The following CNTNAP4 variants were observed in gnomAD, a reference collection of about 807,000 sequenced individuals.
The protein encoded by CNTNAP4 is contactin-associated protein-like 4.
Under a neutral mutation model 148.4 loss-of-function variants are expected in CNTNAP4, and 98 were observed. The observed-to-expected ratio is 0.66, with a 90% CI of 0.56 to 0.78. The LOEUF (loss-of-function observed/expected upper bound fraction) is 0.78, where lower values mean the gene tolerates loss of function less well. CNTNAP4 is among the 30% of genes least tolerant of loss of function. CNTNAP4 has a pLI of 0.00. For missense variants in CNTNAP4, 1,935 were observed against 1,565.6 expected (o/e 1.24, Z -3.98); for synonymous variants, 730 against 565.1 (o/e 1.29, Z -4.14).
intron 3 of CNTNAP4, among the ~76,000 whole-genome samples, chr16:76,366,040 ATTG>A (rs2014082885): frequency 6.6e-6 from 1 of 151,746 alleles, no homozygotes; most frequent in Non-Finnish European, 1.5e-5. Context: ...CTTTTTTGTT[ATTG>A]TTGTCTTTTA....
At chr16:76,398,414 C>G (rs577596410) in intron 3 of CNTNAP4, among the ~76,000 whole-genome samples, 1 of 152,082 alleles carries the variant, frequency 6.6e-6, no homozygotes, top group Non-Finnish European at 1.5e-5. Context: ...TTAAGTGTTG[C>G]GTGATACTGC....
intron 21 of CNTNAP4, among the ~76,000 whole-genome samples, chr16:76,547,606 A>G (rs1195792305): frequency 6.6e-6 from 1 of 152,214 alleles, no homozygotes; most frequent in Non-Finnish European, 1.5e-5. Context: ...TCCAAAACTC[A>G]TTGTAAATTT....
chr16:76,366,288 T>A (rs2014118934), intron 3 of CNTNAP4, among the ~76,000 whole-genome samples: 1 of 152,112 alleles, frequency 6.6e-6, no homozygotes, highest in African/African-American at 2.4e-5. Flanking sequence ...CTTCCCACCC[T>A]CCATTCTCAA....
intron 2 of CNTNAP4, among the ~76,000 whole-genome samples, chr16:76,317,262 A>ACC (rs1961868301): frequency 7.5e-6 from 1 of 133,114 alleles, no homozygotes; most frequent in African/African-American, 2.9e-5. Context: ...CAAAAAAAAA[A>ACC]AACAAAAAAA....
intron 7 of CNTNAP4, among the ~76,000 whole-genome samples, chr16:76,451,876 A>G (rs72797071): frequency 0.043 from 6,524 of 152,184 alleles, 308 homozygotes; most frequent in African/African-American, 0.12. Flanking sequence ...TAGCTACAAG[A>G]TAAGTTTTGT....
At chr16:76,545,914 A>G (rs892795970) in intron 21 of CNTNAP4, among the ~76,000 whole-genome samples, 16 of 152,086 alleles carry the variant, frequency 1.1e-4, no homozygotes, top group African/African-American at 3.6e-4. Flanking sequence ...ATGCGCCCGT[A>G]GTCTCAGCTA....
chr16:76,525,657 T>C (rs2083694472), intron 17 of CNTNAP4, among the ~76,000 whole-genome samples: 1 of 146,144 alleles, frequency 6.8e-6, no homozygotes, highest in Non-Finnish European at 1.5e-5. Context: ...TATAAAATTA[T>C]ATATAGTTAT....
rs146533869 is a variant in CNTNAP4, at chr16:76,328,412, G to C, written c.196+11889G>C. Among the ~76,000 whole-genome samples, 1,127 of 152,218 alleles carry C rather than the reference G, an allele frequency of 7.4e-3. 10 individuals carry two copies. Among genetic ancestry groups the C allele is most frequent in the African/African-American group, 0.026 (1,091 of 41,544 alleles). On this transcript the variant is annotated intron_variant, in intron 2 of 23. Transcript: ENST00000611870. ...GGTTGTCAAAAAACAAGGAAAGCCT[G>C]AAACGGTCATAACCAAAAGGAGTCT... is the stretch of plus-strand genomic sequence containing the variant.
At chr16:76,384,083 G>C (rs936790981) in intron 3 of CNTNAP4, among the ~76,000 whole-genome samples, 27 of 151,824 alleles carry the variant, frequency 1.8e-4, no homozygotes, top group East Asian at 3.9e-4. Context: ...TCGCCCTGTT[G>C]CCCAGGCTGG....
chr16:76,315,768 T>C (rs1961668194), intron 1 of CNTNAP4, among the ~76,000 whole-genome samples: 1 of 151,998 alleles, frequency 6.6e-6, no homozygotes, highest in Non-Finnish European at 1.5e-5. Context: ...CTAATTTTTT[T>C]ATTTCTGGTA....
chr16:76,536,207 A>G (rs980554227), intron 18 of CNTNAP4, among the ~76,000 whole-genome samples: 12 of 151,678 alleles, frequency 7.9e-5, no homozygotes, highest in African/African-American at 2.9e-4. Context: ...TTTTTATTTG[A>G]GACTGAGTCT....
rs987268145 is a variant in CNTNAP4, at chr16:76,340,645, G to A, written c.197-14673G>A. On this transcript the variant is annotated intron_variant, in intron 2 of 23. Transcript: ENST00000611870. The stretch of plus-strand genomic sequence containing the variant: ...TCTTCATTCAATACATATTTATAGG[G>A]AGTTTCCTATGTGCCAACACCTATT... 2.0e-5 allele frequency among the ~76,000 whole-genome samples: 3 copies of A among 152,236 alleles called. No individual in the cohort carries two copies. In the East Asian group the frequency reaches 5.8e-4, roughly 29 times the overall value.
At chr16:76,507,119 A>G (rs2082864291) in intron 15 of CNTNAP4, among the ~76,000 whole-genome samples, 1 of 97,652 alleles carries the variant, frequency 1.0e-5, no homozygotes, top group Non-Finnish European at 2.9e-5. Flanking sequence ...GTATATATTT[A>G]TGGGATACAT....
rs2082110560 is a variant in CNTNAP4 at position 76,488,695 on chromosome 16, CT to C, written c.1883-990del. On this transcript the variant is annotated intron_variant, in intron 12 of 23. Coordinates refer to ENST00000611870, the MANE Select transcript of CNTNAP4 (RefSeq NM_033401.5). ...TAGTAGAGTTCTGACAACTTTCACT[CT>C]GTTTTCTTGTCTACTAAATCAGAGG... Among the ~76,000 whole-genome samples the C allele has an allele frequency of 2.0e-5, 3 of 152,160 alleles. No homozygotes were observed. In the South Asian group the frequency reaches 6.2e-4, roughly 32 times the overall value.
At chr16:76,300,834 G>A (rs1341533803) in intron 1 of CNTNAP4, among the ~76,000 whole-genome samples, 2 of 152,074 alleles carry the variant, frequency 1.3e-5, no homozygotes, top group East Asian at 1.9e-4. Flanking sequence ...AAATCAATTT[G>A]CAGTACATTA....
At chr16:76,532,287 A>G (rs559936064) in intron 17 of CNTNAP4, among the ~76,000 whole-genome samples, 109 of 152,352 alleles carry the variant, frequency 7.2e-4, no homozygotes, top group African/African-American at 2.5e-3. Flanking sequence ...ATGGAAGGCT[A>G]TCTGTGGGTC....
intron 2 of CNTNAP4, among the ~76,000 whole-genome samples, chr16:76,323,815 G>A (rs56332238): frequency 2.3e-3 from 354 of 152,222 alleles, no homozygotes; most frequent in African/African-American, 7.5e-3. Context: ...GGTGTCATCC[G>A]TGGGAATGCG....
At chr16:76,537,250 TAATAA>T (rs1184433918) in intron 18 of CNTNAP4, among the ~76,000 whole-genome samples, 1 of 152,176 alleles carries the variant, frequency 6.6e-6, no homozygotes, top group Non-Finnish European at 1.5e-5. Context: ...GTGTTATAGA[TAATAA>T]AATAATGAAA....
intron 17 of CNTNAP4, among the ~76,000 whole-genome samples, chr16:76,525,603 A>G (rs2083688041): frequency 1.4e-5 from 2 of 143,480 alleles, no homozygotes; most frequent in South Asian, 4.3e-4. Flanking sequence ...ATATAACTAT[A>G]TATAGTTTTA....
Sources: allele counts gnomAD v4.1 joint callset (sites outside exome capture counted in the v4.1 genomes callset), GRCh38; gene constraint gnomAD v4.1.1; transcripts MANE v1.5; gene names NCBI Gene and HGNC (gene_info 2026-07-23, HGNC 2026-07-21).